The following ATF2 variants were observed in gnomAD, a reference collection of about 807,000 sequenced individuals.
ATF2 encodes activating transcription factor 2.
ATF2 carries 24 observed loss-of-function variants against 60.6 expected under a neutral mutation model. The observed-to-expected ratio is 0.40, with a 90% CI of 0.29 to 0.56. The LOEUF (loss-of-function observed/expected upper bound fraction) is 0.56, where lower values mean the gene tolerates loss of function less well. Ranked by LOEUF, ATF2 falls within the 20% of genes least tolerant of loss-of-function variation. The pLI, the probability that ATF2 is intolerant of heterozygous loss-of-function variation, is 0.54. For missense variants in ATF2, 433 were observed against 607.7 expected (o/e 0.71, Z 3.02); for synonymous variants, 206 against 215.4 (o/e 0.96, Z 0.38).
intron 11 of ATF2, among the ~76,000 whole-genome samples, chr2:175,095,798 G>A (rs1694895162): frequency 6.6e-6 from 1 of 152,188 alleles, no homozygotes; most frequent in Admixed American, 6.5e-5. Context: ...GTGCAAGAAA[G>A]TAAGGACAAT....
Position 175,083,146 on chromosome 2 carries a change from C to T in ATF2, c.1186-2381G>A, listed in dbSNP as rs62183056. ...TTCTTCACAGAATTGGAAAAAACTA[C>T]TTTAAAGTTCATATGGAACCAAAAA... On this transcript the variant is annotated intron_variant, in intron 12 of 13. Coordinates refer to ENST00000264110, the MANE Select transcript of ATF2 (RefSeq NM_001880.4). Among the ~76,000 whole-genome samples the T allele has an allele frequency of 5.9e-5, 9 of 151,904 alleles. No individual in the cohort carries two copies. The East Asian group carries it at 1.7e-3, about 29-fold the overall frequency.
At chr2:175,145,929 A>G (rs912893449) in intron 2 of ATF2, among the ~76,000 whole-genome samples, 1 of 152,228 alleles carries the variant, frequency 6.6e-6, no homozygotes, top group African/African-American at 2.4e-5. Flanking sequence ...TAGGATATTT[A>G]TATCATCTCA....
At chr2:175,127,044 C>T (rs984414579) in intron 4 of ATF2, 2 of 151,126 alleles carry the variant, frequency 1.3e-5, no homozygotes, top group African/African-American at 2.4e-5. Context: ...ACAGCCTGGA[C>T]AACATTGAGA....
rs749185655 is a variant in ATF2 at position 175,136,424 on chromosome 2, A to G, written c.20T>C (p.Val7Ala). 1 of 1,610,470 alleles carries G rather than the reference A, an allele frequency of 6.2e-7. No homozygotes were observed. The highest frequency in any genetic ancestry group is 1.7e-5 in the Admixed American group (1 of 59,474). The change falls in exon 3 of 14, where the codon GTG becomes GCG. Residue 7 changes from valine (V) to alanine (A), a missense_variant. By Grantham distance (64) the Val-to-Ala change is moderately conservative. This residue lies in a region of ATF2 where 20 missense variants were observed against 16.9 expected (regional missense o/e 1.19). Transcript: ENST00000264110. Reference protein sequence around the residue: MKFKLHVNSARQYKDLW... With the variant: MKFKLHANSARQYKDLW... ...ATTGCACACATACCTGGCAGAATTCACATGTAACTTGAATTTCATAAGTTG... is the reference window on the plus strand; with the variant it reads ...ATTGCACACATACCTGGCAGAATTCGCATGTAACTTGAATTTCATAAGTTG...
chr2:175,151,498 G>A (rs1419800480), intron 1 of ATF2, among the ~76,000 whole-genome samples: 1 of 152,118 alleles, frequency 6.6e-6, no homozygotes, highest in African/African-American at 2.4e-5. Context: ...TAGATAACAG[G>A]TGAAATGTCA....
Position 175,074,721 on chromosome 2 carries a change from G to C in ATF2, c.1406C>G (p.Ala469Gly). Residue 469 changes from alanine (A) to glycine (G), a missense_variant, in exon 14 of 14, where the codon GCA becomes GGA. Ala to Gly is a moderately conservative substitution (Grantham distance 60, BLOSUM62 0). Transcript: ENST00000264110. ...TSNGVSSTSK[A>G]EAVATSVLTQ... ...GAGGACTGAAGTGGCTACAGCTTCTGCCTTGGAGGTTGAACTGACTCCATT... is the reference window on the plus strand; with the variant it reads ...GAGGACTGAAGTGGCTACAGCTTCTCCCTTGGAGGTTGAACTGACTCCATT... The C allele has an allele frequency of 6.2e-7, 1 of 1,613,462 alleles. No homozygotes were observed. The highest frequency in any genetic ancestry group is 8.5e-7 in the Non-Finnish European group (1 of 1,179,706).
intron 12 of ATF2, among the ~76,000 whole-genome samples, chr2:175,087,653 G>A (rs549845908): frequency 5.0e-4 from 76 of 152,216 alleles, no homozygotes; most frequent in African/African-American, 1.7e-3. Flanking sequence ...CTTATTTTGC[G>A]GAATTTCTCA....
intron 10 of ATF2, among the ~76,000 whole-genome samples, chr2:175,107,171 CA>C: frequency 1.3e-5 from 2 of 152,034 alleles, no homozygotes; most frequent in South Asian, 4.2e-4. Flanking sequence ...TTTAAATGGG[CA>C]AAAGACCTCA....
At chr2:175,154,201 C>A in intron 1 of ATF2, among the ~76,000 whole-genome samples, 1 of 145,444 alleles carries the variant, frequency 6.9e-6, no homozygotes, top group South Asian at 2.2e-4. Flanking sequence ...GCAAGAAGAG[C>A]GAAACTCCAT....
At chr2:175,081,192 T>C (rs542522319) in intron 12 of ATF2, among the ~76,000 whole-genome samples, 10 of 152,226 alleles carry the variant, frequency 6.6e-5, no homozygotes, top group Admixed American at 5.2e-4. Flanking sequence ...AATAAGCAAG[T>C]TTCCAGTTTC....
chr2:175,099,936 T>C (rs1448977989), intron 10 of ATF2, among the ~76,000 whole-genome samples: 2 of 152,220 alleles, frequency 1.3e-5, no homozygotes, highest in South Asian at 4.1e-4. Context: ...AAAACAATCA[T>C]AAGGATTTAG....
chr2:175,110,544 TATTA>T (rs779331516), intron 10 of ATF2, among the ~76,000 whole-genome samples: 17 of 152,308 alleles, frequency 1.1e-4, no homozygotes, highest in Admixed American at 7.8e-4. Flanking sequence ...TAATCGATGT[TATTA>T]ATTAACTGAC....
chr2:175,106,342 C>T (rs1300163070), intron 10 of ATF2, among the ~76,000 whole-genome samples: 1 of 151,894 alleles, frequency 6.6e-6, no homozygotes, highest in African/African-American at 2.4e-5. Flanking sequence ...ACCAGCCTGG[C>T]CAACATGGTG....
At chr2:175,089,880 A>G (rs1694425952) in intron 12 of ATF2, among the ~76,000 whole-genome samples, 1 of 152,128 alleles carries the variant, frequency 6.6e-6, no homozygotes, top group Non-Finnish European at 1.5e-5. Context: ...TGCTACCTAT[A>G]CTTACGGAGT....
At chr2:175,081,041 T>C (rs1054643630) in intron 12 of ATF2, among the ~76,000 whole-genome samples, 1 of 152,194 alleles carries the variant, frequency 6.6e-6, no homozygotes, top group Admixed American at 6.5e-5. Context: ...TTATATATTA[T>C]TGGTGACCTG....
intron 2 of ATF2, among the ~76,000 whole-genome samples, chr2:175,142,250 G>A (rs921385219): frequency 2.0e-5 from 3 of 148,340 alleles, no homozygotes; most frequent in Non-Finnish European, 3.0e-5. Flanking sequence ...GCAATGTTGC[G>A]TCTCGGCTCA....
At chr2:175,114,498 G>A (rs1277721706) in intron 8 of ATF2, 192 bp downstream of exon 8, 10 of 1,297,220 alleles carry the variant, frequency 7.7e-6, no homozygotes, top group Non-Finnish European at 7.8e-6. Flanking sequence ...GTTTTTAGTT[G>A]TATTTATCTC....
At chr2:175,144,759 G>C (rs1281625395) in intron 2 of ATF2, among the ~76,000 whole-genome samples, 1 of 152,138 alleles carries the variant, frequency 6.6e-6, no homozygotes, top group East Asian at 1.9e-4. Flanking sequence ...AAGAAGGGAA[G>C]GCAGCCTGAT....
intron 2 of ATF2, among the ~76,000 whole-genome samples, chr2:175,144,588 G>A (rs180693356): frequency 2.6e-5 from 4 of 152,208 alleles, no homozygotes; most frequent in Non-Finnish European, 5.9e-5. Context: ...GTGTCTGCAC[G>A]GGAGGTAGCT....
Sources: allele counts gnomAD v4.1 joint callset (sites outside exome capture counted in the v4.1 genomes callset), GRCh38; gene constraint gnomAD v4.1.1; regional missense constraint gnomAD v4.1.1; transcripts MANE v1.5; gene names NCBI Gene and HGNC (gene_info 2026-07-23, HGNC 2026-07-21).